CACNA1C: variants seen among roughly 807,000 people sequenced by gnomAD.
CACNA1C encodes calcium voltage-gated channel subunit alpha1 C.
Under a neutral mutation model 229.0 loss-of-function variants are expected in CACNA1C, and 30 were observed. That is an observed-to-expected ratio of 0.13 (90% CI 0.10 to 0.18). CACNA1C has a LOEUF of 0.18. Ranked by LOEUF, CACNA1C falls within the 10% of genes least tolerant of loss-of-function variation. The pLI, the probability that CACNA1C is intolerant of heterozygous loss-of-function variation, is 1.00. For synonymous variants in CACNA1C, 1,114 were observed against 1,132.5 expected (o/e 0.98, Z 0.33); for missense variants, 1,658 against 2,845.0 (o/e 0.58, Z 9.49).
intron 3 of CACNA1C, among the ~76,000 whole-genome samples, chr12:2,389,374 G>T (rs948514721): frequency 3.3e-5 from 5 of 152,132 alleles, no homozygotes; most frequent in African/African-American, 1.2e-4. Flanking sequence ...TGAACTCTAG[G>T]ACACTGTGCT....
chr12:2,156,438 A>C (rs908375423), intron 3 of CACNA1C, among the ~76,000 whole-genome samples: 5 of 152,240 alleles, frequency 3.3e-5, no homozygotes, highest in Non-Finnish European at 7.3e-5. Context: ...ATAAACCACA[A>C]AGACAAAATG....
At chr12:2,182,573 G>A (rs1157781564) in intron 3 of CACNA1C, among the ~76,000 whole-genome samples, 1 of 152,052 alleles carries the variant, frequency 6.6e-6, no homozygotes, top group African/African-American at 2.4e-5. Context: ...CTTCTCTTCT[G>A]AAGCTTTTAT....
Position 2,655,254 on chromosome 12 carries a change from C to A in CACNA1C, c.4232+16C>A, listed in dbSNP as rs757493608. 2.0e-5 allele frequency: 30 copies of A among 1,471,730 alleles called. No individual in the cohort carries two copies. The highest frequency in any genetic ancestry group is 2.9e-5 in the Non-Finnish European group (30 of 1,051,710). 91.2% of individuals were successfully genotyped at this position (1,471,730 alleles called of 1,614,324 possible). A position where few individuals can be genotyped will look rare whatever the true frequency, so the allele number is the denominator to read the frequency against. ...TCCTCTTCAGGTGGGTCCCTGAAGACATAGGTGCACAGATACACACACACC... is the reference window on the plus strand; with the variant it reads ...TCCTCTTCAGGTGGGTCCCTGAAGAAATAGGTGCACAGATACACACACACC... On this transcript the variant is annotated intron_variant, in intron 34 of 46. Transcript: ENST00000399655.
chr12:2,598,604 C>T (rs1216665022), intron 21 of CACNA1C, among the ~76,000 whole-genome samples: 1 of 152,208 alleles, frequency 6.6e-6, no homozygotes, highest in African/African-American at 2.4e-5. Flanking sequence ...GTCCAGGCTC[C>T]CTTGTCATCC....
At chr12:2,174,676 A>G (rs1466489002) in intron 3 of CACNA1C, among the ~76,000 whole-genome samples, 1 of 152,192 alleles carries the variant, frequency 6.6e-6, no homozygotes, top group East Asian at 1.9e-4. Flanking sequence ...ATGGTCAAAA[A>G]TCTGCACATA....
intron 3 of CACNA1C, among the ~76,000 whole-genome samples, chr12:2,127,547 A>G (rs1196597760): frequency 6.6e-6 from 1 of 152,244 alleles, no homozygotes; most frequent in Non-Finnish European, 1.5e-5. Context: ...GCAACAAACC[A>G]CATAGCTACT....
intron 3 of CACNA1C, among the ~76,000 whole-genome samples, chr12:2,135,005 T>C (rs2093104466): frequency 7.4e-6 from 1 of 135,774 alleles, no homozygotes; most frequent in Non-Finnish European, 1.6e-5. Context: ...TTTGCTCATT[T>C]CTTTTTATTC....
chr12:2,535,418 G>A (rs1282340260), intron 9 of CACNA1C, among the ~76,000 whole-genome samples: 1 of 151,252 alleles, frequency 6.6e-6, no homozygotes, highest in Non-Finnish European at 1.5e-5. Context: ...GCAGCCAGAG[G>A]CCCGGCATGG....
At chr12:2,249,735 G>C (rs144965128) in intron 3 of CACNA1C, among the ~76,000 whole-genome samples, 414 of 152,050 alleles carry the variant, frequency 2.7e-3, no homozygotes, top group Non-Finnish European at 5.0e-3. Flanking sequence ...CACTCGGCCG[G>C]TGGCTCCGAA....
Position 2,549,928 on chromosome 12 carries a change from C to T in CACNA1C, c.1391-15C>T. The T allele has an allele frequency of 6.3e-7, 1 of 1,582,066 alleles. No homozygotes were observed. The highest frequency in any genetic ancestry group is 1.2e-5 in the South Asian group (1 of 86,838). ...ACCCTCAATGCCTGGCTCTGCTTCC[C>T]TTTGACTCTTGCAGTGAGCATGCCC... On this transcript the variant is annotated splice_polypyrimidine_tract_variant and intron_variant, in intron 9 of 46. Transcript: ENST00000399655.
At chr12:2,372,677 C>A (rs1441260825) in intron 3 of CACNA1C, among the ~76,000 whole-genome samples, 1 of 151,504 alleles carries the variant, frequency 6.6e-6, no homozygotes, top group East Asian at 1.9e-4. Flanking sequence ...CTTTAATGTT[C>A]TCAGCAGATT....
At chr12:2,041,368 C>G (rs1454164482) in intron 1 of CACNA1C, among the ~76,000 whole-genome samples, 2 of 150,280 alleles carry the variant, frequency 1.3e-5, no homozygotes, top group Non-Finnish European at 2.9e-5. Context: ...GCTCTGCCTC[C>G]CAGGTTCATG....
intron 1 of CACNA1C, among the ~76,000 whole-genome samples, chr12:2,057,798 T>C (rs2055786803): frequency 6.6e-6 from 1 of 152,174 alleles, no homozygotes; most frequent in South Asian, 2.1e-4. Context: ...TTTTCACTGA[T>C]GGTTTAGTAA....
intron 3 of CACNA1C, among the ~76,000 whole-genome samples, chr12:2,186,192 G>C (rs1261211781): frequency 6.6e-6 from 1 of 152,166 alleles, no homozygotes; most frequent in Non-Finnish European, 1.5e-5. Context: ...TGCAATAAAG[G>C]TCTCCCTTCC....
At chr12:2,008,896 G>A (rs1236742268) in intron 1 of CACNA1C, among the ~76,000 whole-genome samples, 2 of 152,094 alleles carry the variant, frequency 1.3e-5, no homozygotes, top group Non-Finnish European at 2.9e-5. Context: ...TGACCTTCTA[G>A]GATGACGCCA....
intron 1 of CACNA1C, among the ~76,000 whole-genome samples, chr12:1,995,563 T>C (rs1391802405): frequency 8.5e-5 from 13 of 152,254 alleles, no homozygotes; most frequent in Admixed American, 8.5e-4. Flanking sequence ...GTGCTGGCCT[T>C]GCCTCCCATT....
intron 9 of CACNA1C, among the ~76,000 whole-genome samples, chr12:2,543,143 G>A (rs767549874): frequency 2.0e-5 from 3 of 152,178 alleles, no homozygotes; most frequent in Non-Finnish European, 4.4e-5. Context: ...CATAGCACCT[G>A]GTAAGAGGGA....
chr12:2,261,180 C>A (rs531229286), intron 3 of CACNA1C, among the ~76,000 whole-genome samples: 3 of 151,074 alleles, frequency 2.0e-5, no homozygotes, highest in Admixed American at 2.0e-4. Context: ...TGCAGTGAGC[C>A]GAGATAGTGC....
chr12:2,430,991 C>T (rs756673220), intron 3 of CACNA1C, among the ~76,000 whole-genome samples: 24 of 152,198 alleles, frequency 1.6e-4, no homozygotes, highest in African/African-American at 3.9e-4. Flanking sequence ...TCTCCTCACC[C>T]GCTCTGCACT....
Sources: allele counts gnomAD v4.1 joint callset (sites outside exome capture counted in the v4.1 genomes callset), GRCh38; gene constraint gnomAD v4.1.1; transcripts MANE v1.5; gene names NCBI Gene and HGNC (gene_info 2026-07-23, HGNC 2026-07-21).